GLRA2: variants seen among roughly 807,000 people sequenced by gnomAD.
GLRA2 encodes glycine receptor alpha 2.
A neutral mutation model predicts 31.6 loss-of-function variants in GLRA2; 11 were observed. The observed-to-expected ratio is 0.35, with a 90% CI of 0.22 to 0.58. The LOEUF is 0.58. Ranked by LOEUF, GLRA2 falls within the 20% of genes least tolerant of loss-of-function variation. GLRA2 has a pLI of 0.84. For synonymous variants in GLRA2, 132 were observed against 134.0 expected (o/e 0.99, Z 0.10); for missense variants, 212 against 351.8 (o/e 0.60, Z 3.18).
chrX:14,577,546 G>C (rs150564268), intron 3 of GLRA2, among the ~76,000 whole-genome samples: 17 of 112,241 alleles, frequency 1.5e-4, no homozygotes, highest in Admixed American at 1.2e-3. Context: ...CTGGAGGCTG[G>C]AAGTGTGAGA....
intron 5 of GLRA2, 21 bp from the exon 6 acceptor site, chrX:14,607,110 A>G: frequency 1.7e-6 from 2 of 1,143,425 alleles, no homozygotes; most frequent in Non-Finnish European, 2.4e-6. Flanking sequence ...TTCAATTTTC[A>G]CTATGATTTC....
At chrX:14,483,516 T>C in the GLRA2 span, among the ~76,000 whole-genome samples, 1 of 112,366 alleles carries the variant, frequency 8.9e-6, no homozygotes, top group Non-Finnish European at 1.9e-5. Context: ...TTAACTTGCA[T>C]TATCTGACTA....
the GLRA2 span, among the ~76,000 whole-genome samples, chrX:14,519,666 A>G: frequency 8.9e-6 from 1 of 112,372 alleles, no homozygotes; most frequent in Non-Finnish European, 1.9e-5. Flanking sequence ...GACTGTGAAG[A>G]ATACGTGGAT....
intron 8 of GLRA2, among the ~76,000 whole-genome samples, chrX:14,708,782 C>T: frequency 9.0e-6 from 1 of 111,173 alleles, no homozygotes; most frequent in Middle Eastern, 4.7e-3. Flanking sequence ...ACTAAAAATA[C>T]AAAATTAGCC....
At chrX:14,610,540 C>T (rs1329418403) in intron 7 of GLRA2, among the ~76,000 whole-genome samples, 1 of 111,903 alleles carries the variant, frequency 8.9e-6, no homozygotes, top group African/African-American at 3.2e-5. Context: ...CCTGTATAAT[C>T]AAAAATCAAT....
At chrX:14,682,015 A>G (rs1307533488) in intron 7 of GLRA2, among the ~76,000 whole-genome samples, 13 of 99,702 alleles carry the variant, frequency 1.3e-4, no homozygotes, top group African/African-American at 4.7e-4. Context: ...GTGTGTGTAT[A>G]TATATAAATA....
At chrX:14,512,461 A>G in the GLRA2 span, among the ~76,000 whole-genome samples, 1 of 111,821 alleles carries the variant, frequency 8.9e-6, no homozygotes. Context: ...CATCCAAATC[A>G]GTAAAGAGGA....
chrX:14,596,686 C>A (rs892773184), intron 4 of GLRA2, among the ~76,000 whole-genome samples: 1 of 111,307 alleles, frequency 9.0e-6, no homozygotes, highest in Non-Finnish European at 1.9e-5. Context: ...AGGAGTGCTA[C>A]TGTTACTGAA....
At chrX:14,648,076 G>A (rs1160743987) in intron 7 of GLRA2, among the ~76,000 whole-genome samples, 1 of 112,349 alleles carries the variant, frequency 8.9e-6, no homozygotes, top group Non-Finnish European at 1.9e-5. Context: ...AGATTTTAAT[G>A]AGAAGTTGAT....
chrX:14,546,799 G>A (rs1373632586), intron 2 of GLRA2, among the ~76,000 whole-genome samples: 1 of 111,260 alleles, frequency 9.0e-6, no homozygotes. Context: ...TCATGATTGA[G>A]TTATTCCTTC....
chrX:14,454,143 C>T, the GLRA2 span, among the ~76,000 whole-genome samples: 1 of 102,428 alleles, frequency 9.8e-6, no homozygotes, highest in Non-Finnish European at 2.0e-5. Flanking sequence ...TTCTGATAAA[C>T]TTGTATAGAA....
At chrX:14,729,046 T>A (rs2091960502) in intron 8 of GLRA2, among the ~76,000 whole-genome samples, 1 of 112,601 alleles carries the variant, frequency 8.9e-6, no homozygotes, top group Admixed American at 9.4e-5. Context: ...GTCCTTGTTG[T>A]ACCATTTGAG....
intron 7 of GLRA2, among the ~76,000 whole-genome samples, chrX:14,648,517 T>C (rs890073171): frequency 2.7e-5 from 3 of 111,663 alleles, no homozygotes; most frequent in Non-Finnish European, 3.8e-5. Context: ...AATGATAAAA[T>C]AGACTTTATT....
the GLRA2 span, among the ~76,000 whole-genome samples, chrX:14,523,586 G>T: frequency 1.8e-5 from 2 of 111,614 alleles, no homozygotes; most frequent in Middle Eastern, 4.2e-3. Context: ...TCAAGTGAGA[G>T]ACATATGACT....
At chrX:14,660,550 G>A (rs1186361984) in intron 7 of GLRA2, among the ~76,000 whole-genome samples, 1 of 111,700 alleles carries the variant, frequency 9.0e-6, no homozygotes, top group African/African-American at 3.3e-5. Flanking sequence ...TACTGCAGCT[G>A]CTTTGTTGAT....
intron 7 of GLRA2, among the ~76,000 whole-genome samples, chrX:14,623,270 A>G (rs1012804161): frequency 1.8e-5 from 2 of 111,748 alleles, no homozygotes; most frequent in Non-Finnish European, 3.8e-5. Flanking sequence ...GGGGTTTTCT[A>G]TATATACAAT....
intron 4 of GLRA2, among the ~76,000 whole-genome samples, chrX:14,590,864 T>A (rs1023511135): frequency 8.9e-6 from 1 of 111,992 alleles, no homozygotes; most frequent in Non-Finnish European, 1.9e-5. Context: ...GGAAATGCCA[T>A]GGAAACCACA....
chrX:14,644,509 C>T (rs2090808968), intron 7 of GLRA2, among the ~76,000 whole-genome samples: 1 of 111,678 alleles, frequency 9.0e-6, no homozygotes, highest in Non-Finnish European at 1.9e-5. Flanking sequence ...GTGTGGTTTT[C>T]ATGACCTGCT....
chrX:14,677,653 A>G (rs943328197), intron 7 of GLRA2, among the ~76,000 whole-genome samples: 5 of 111,899 alleles, frequency 4.5e-5, no homozygotes, highest in African/African-American at 1.6e-4. Flanking sequence ...AACACTATTA[A>G]CATTTGGGAC....
Sources: gnomAD v4.1 joint callset for allele counts (sites outside exome capture counted in the v4.1 genomes callset) on GRCh38, gnomAD v4.1.1 for gene constraint, MANE v1.5 for transcripts, NCBI Gene and HGNC (gene_info 2026-07-23, HGNC 2026-07-21) for gene names.